Variants in PRKAB2 observed in about 807,000 individuals in gnomAD.
PRKAB2 encodes 5'-AMP-activated protein kinase subunit beta-2.
Under a neutral mutation model 29.8 loss-of-function variants are expected in PRKAB2, and 18 were observed. The ratio of observed to expected loss-of-function variants is 0.60; its 90% CI spans 0.42 to 0.89. The LOEUF (loss-of-function observed/expected upper bound fraction) is 0.89, where lower values mean the gene tolerates loss of function less well. Ranked by LOEUF, PRKAB2 falls within the 40% of genes least tolerant of loss-of-function variation. The pLI, the probability that PRKAB2 is intolerant of heterozygous loss-of-function variation, is 0.00. For missense variants in PRKAB2, 270 were observed against 344.3 expected, an observed-to-expected ratio of 0.78 and a Z score of 1.71; for synonymous variants, 136 against 125.9, an observed-to-expected ratio of 1.08 and a Z score of -0.54.
chr1:147,171,239 A>T (rs898895083), intron 2 of PRKAB2, among the ~76,000 whole-genome samples: 3 of 152,218 alleles, frequency 2.0e-5, no homozygotes, highest in Non-Finnish European at 2.9e-5. Flanking sequence ...TCTTCAGGGC[A>T]GCTGTGGGTT....
At chr1:147,171,208 T>A (rs1283519583) in intron 2 of PRKAB2, among the ~76,000 whole-genome samples, 1 of 152,224 alleles carries the variant, frequency 6.6e-6, no homozygotes, top group African/African-American at 2.4e-5. Flanking sequence ...TTCCTGAAAG[T>A]CCTTGGAATT....
chr1:147,168,846 C>T (rs587625731), intron 2 of PRKAB2, among the ~76,000 whole-genome samples: 5 of 152,314 alleles, frequency 3.3e-5, no homozygotes, highest in Admixed American at 2.0e-4. Flanking sequence ...GTCACCCAGG[C>T]TGGAATGCAG....
chr1:147,164,874 A>C (rs1654159775), intron 5 of PRKAB2, among the ~76,000 whole-genome samples: 1 of 152,232 alleles, frequency 6.6e-6, no homozygotes, highest in African/African-American at 2.4e-5. Flanking sequence ...CTTTGCCAGA[A>C]TTATATAATG....
chr1:147,166,948 G>T lies in PRKAB2; in HGVS notation c.324-9C>A, dbSNP rs782055570. 31 of 1,609,258 alleles carry T rather than the reference G, an allele frequency of 1.9e-5. No homozygotes were observed. The Admixed American group carries it at 3.7e-4, about 19-fold the overall frequency. ...CAACAAAGTCATTATGGCTACAGAA[G>T]AAAAAAGAAAGGCAAACAGGCCAAG... is the stretch of plus-strand genomic sequence containing the variant. On this transcript the variant is annotated splice_polypyrimidine_tract_variant and intron_variant, in intron 3 of 7. Transcript: ENST00000254101.
At position 147,166,491 on chromosome 1, in the gene PRKAB2, A is replaced by T; in HGVS notation, c.538+7T>A. The T allele has an allele frequency of 6.2e-7, 1 of 1,612,314 alleles. No individual in the cohort carries two copies. The highest frequency in any genetic ancestry group is 8.5e-7 in the Non-Finnish European group (1 of 1,179,286). ...ACAGCAAGAGAGAGTAAATAATACA[A>T]AATTACCTCTACAAGATGTCTCAGA... On this transcript the variant is annotated splice_region_variant and intron_variant, in intron 5 of 7. Coordinates refer to ENST00000254101, the MANE Select transcript of PRKAB2 (RefSeq NM_005399.5).
Position 147,166,509 on chromosome 1 carries a change from G to A in PRKAB2, c.527C>T (p.Thr176Ile). The A allele has an allele frequency of 1.2e-6, 2 of 1,613,474 alleles. No individual in the cohort carries two copies. The highest frequency in any genetic ancestry group is 1.7e-4 in the Middle Eastern group (1 of 6,052). The stretch of plus-strand genomic sequence containing the variant: ...TAATACAAAATTACCTCTACAAGAT[G>A]TCTCAGAACTTTCCATAGAATCTAA... Reference protein sequence around the residue: ...LKLDSMESSETSCRDLSSSPP... With the variant: ...LKLDSMESSEISCRDLSSSPP... Residue 176 changes from threonine to isoleucine, a missense_variant, in exon 5 of 8, where the codon ACA (threonine) becomes ATA (isoleucine). By Grantham distance (89) the Thr-to-Ile change is moderately conservative. Around this residue, in one of 2 missense-constraint regions of PRKAB2, gnomAD observed 228 missense variants for 255.5 expected, o/e 0.89. Coordinates refer to ENST00000254101, the MANE Select transcript of PRKAB2 (RefSeq NM_005399.5).
chr1:147,172,032 C>A lies in PRKAB2; in HGVS notation c.113G>T (p.Gly38Val). Residue 38 changes from glycine to valine, a missense_variant, in exon 2 of 8, where the codon GGG becomes GTG. This residue lies in a region of PRKAB2 where 228 missense variants were observed against 255.5 expected (regional missense o/e 0.89). Coordinates refer to ENST00000254101, the MANE Select transcript of PRKAB2 (RefSeq NM_005399.5). ...GAACACGCTGGGGTCGTCCGTACTC[C>A]CCACCATGATCTTGTGCTCCTTCCC... is the stretch of plus-strand genomic sequence containing the variant. ...APGKEHKIMVGSTDDPSVFSL... is the reference protein window; with the variant it reads ...APGKEHKIMVVSTDDPSVFSL... The A allele has an allele frequency of 6.3e-7, 1 of 1,595,646 alleles. No individual in the cohort carries two copies.
intron 2 of PRKAB2, among the ~76,000 whole-genome samples, chr1:147,169,654 T>G (rs1260488988): frequency 6.6e-6 from 1 of 152,178 alleles, no homozygotes; most frequent in Non-Finnish European, 1.5e-5. Flanking sequence ...TATCTGGGAA[T>G]TTGCTTCAAA....
chr1:147,167,643 G>T, intron 3 of PRKAB2, 124 bp downstream of exon 3: 1 of 1,163,238 alleles, frequency 8.6e-7, no homozygotes, highest in Non-Finnish European at 1.2e-6. Flanking sequence ...AGTGGCCGCA[G>T]AAAAGGGCAT....
chr1:147,162,583 AT>A lies in PRKAB2; in HGVS notation c.539-11del, dbSNP rs782655348. ...GGTGAGCTGGAAAGGTCTGAAAGAT[AT>A]TTATACAAATATGAGAAAGAGTTGG... On this transcript the variant is annotated splice_polypyrimidine_tract_variant and intron_variant, in intron 5 of 7. Coordinates refer to ENST00000254101, the MANE Select transcript of PRKAB2 (RefSeq NM_005399.5). 1.3e-6 allele frequency: 2 copies of A among 1,597,704 alleles called. No individual in the cohort carries two copies. Among genetic ancestry groups the A allele is most frequent in the Non-Finnish European group, 1.7e-6 (2 of 1,172,320 alleles).
rs1653663558 is a variant in PRKAB2 at position 147,156,159 on chromosome 1, C to G, written c.*3406G>C. On this transcript the variant is annotated 3_prime_UTR_variant, in exon 8 of 8. Transcript: ENST00000254101. ...ATACACTGTACATCTGCTATTAAGC[C>G]CATGCCCCAAATCACTAGAACGTGA... The G allele has an allele frequency of 6.6e-6, 1 of 152,484 alleles. No individual in the cohort carries two copies. Among genetic ancestry groups the G allele is most frequent in the Admixed American group, 6.6e-5 (1 of 15,264 alleles). 9.4% of individuals were successfully genotyped at this position (152,484 alleles called of 1,614,324 possible).
chr1:147,167,026 G>T, intron 3 of PRKAB2, 87 bp from the exon 4 acceptor site: 1 of 1,109,976 alleles, frequency 9.0e-7, no homozygotes, highest in Non-Finnish European at 1.3e-6. Context: ...AGTATCATAT[G>T]AATAATTTCC....
rs79025532 is a variant in PRKAB2 at position 147,167,926 on chromosome 1, C to T, written c.164G>A (p.Gly55Glu). ...CTGCCATGATACAAACTCTTTGTCC[C>T]CAGGGAGCTGTAAGAAGGAGTAGGT... Reference protein sequence around the residue: ...VFSLPDSKLPGDKEFVSWQQD... With the variant: ...VFSLPDSKLPEDKEFVSWQQD... Residue 55 changes from glycine to glutamate, a missense_variant, in exon 3 of 8, where the codon GGG (glycine) becomes GAG (glutamate). Around this residue, in one of 2 missense-constraint regions of PRKAB2, gnomAD observed 228 missense variants for 255.5 expected, o/e 0.89. Coordinates refer to ENST00000254101, the MANE Select transcript of PRKAB2 (RefSeq NM_005399.5). 759 of 1,611,258 alleles carry T rather than the reference C, an allele frequency of 4.7e-4. 5 individuals are homozygous for T. In the African/African-American group the frequency reaches 7.5e-3, roughly 16 times the overall value.
Position 147,159,316 on chromosome 1 carries a change from C to T in PRKAB2, c.*249G>A. 4.6e-6 allele frequency: 2 copies of T among 433,082 alleles called. No homozygotes were observed. Among genetic ancestry groups the T allele is most frequent in the South Asian group, 5.1e-5 (1 of 19,734 alleles). 26.8% of individuals were successfully genotyped at this position (433,082 alleles called of 1,614,324 possible). A position where few individuals can be genotyped will look rare whatever the true frequency, so the allele number is the denominator to read the frequency against. ...CCACAGGCAGAAACAATACTTCTAG[C>T]TGGGGCTAGGAGGCTTCCATTTACC... On this transcript the variant is annotated 3_prime_UTR_variant, in exon 8 of 8. Coordinates refer to ENST00000254101, the MANE Select transcript of PRKAB2 (RefSeq NM_005399.5).
Position 147,166,489 on chromosome 1 carries a change from C to G in PRKAB2, c.538+9G>C. On this transcript the variant is annotated intron_variant, in intron 5 of 7. Transcript: ENST00000254101. ...ACACAGCAAGAGAGAGTAAATAATACAAAATTACCTCTACAAGATGTCTCA... is the reference window on the plus strand; with the variant it reads ...ACACAGCAAGAGAGAGTAAATAATAGAAAATTACCTCTACAAGATGTCTCA... The G allele has an allele frequency of 6.2e-7, 1 of 1,610,966 alleles. No homozygotes were observed. The highest frequency in any genetic ancestry group is 1.3e-5 in the African/African-American group (1 of 74,794).
chr1:147,162,527 C>A lies in PRKAB2; in HGVS notation c.585G>T (p.Ala195=). 2.5e-6 allele frequency: 4 copies of A among 1,611,870 alleles called. No individual in the cohort carries two copies. The highest frequency in any genetic ancestry group is 2.5e-6 in the Non-Finnish European group (3 of 1,178,246). The change falls in exon 6 of 8, where the codon GCG becomes GCT. Residue 195 remains alanine (A), a synonymous_variant. Coordinates refer to ENST00000254101, the MANE Select transcript of PRKAB2 (RefSeq NM_005399.5). ...ATTTGAATCTTTCCTCAGATCGAAA[C>A]GCATACATTTCTTGACCATAAGGCC... is the stretch of plus-strand genomic sequence containing the variant. ...PPGPYGQEMY[A]FRSEERFKSP...
chr1:147,165,669 C>T (rs1359618032), intron 5 of PRKAB2, among the ~76,000 whole-genome samples: 1 of 151,756 alleles, frequency 6.6e-6, no homozygotes, highest in Non-Finnish European at 1.5e-5. Flanking sequence ...GAGATGAAGG[C>T]CTTGGCTCAA....
chr1:147,164,252 C>A (rs587650907), intron 5 of PRKAB2, among the ~76,000 whole-genome samples: 1 of 152,158 alleles, frequency 6.6e-6, no homozygotes, highest in African/African-American at 2.4e-5. Context: ...GAACTAAGTT[C>A]CAGTGTTCCG....
intron 1 of PRKAB2, 43 bp downstream of exon 1, chr1:147,172,386 G>C: frequency 1.8e-6 from 1 of 567,062 alleles, no homozygotes; most frequent in East Asian, 3.3e-5. Flanking sequence ...GACCTCCCCC[G>C]CGTCCCCGCG....
Sources: gnomAD v4.1 joint callset for allele counts (sites outside exome capture counted in the v4.1 genomes callset) on GRCh38, gnomAD v4.1.1 for gene constraint, gnomAD v4.1.1 regional missense constraint, MANE v1.5 for transcripts, NCBI Gene and HGNC (gene_info 2026-07-23, HGNC 2026-07-21) for gene names.